Variants in DDAH1 observed in about 807,000 individuals in gnomAD.
DDAH1 encodes the protein N(G),N(G)-dimethylarginine dimethylaminohydrolase 1.
Under a neutral mutation model 28.8 loss-of-function variants are expected in DDAH1, and 19 were observed. That is an observed-to-expected ratio of 0.66 (90% confidence interval 0.46 to 0.97). DDAH1 has a LOEUF of 0.97. Among genes scored for constraint, DDAH1 ranks in the 50% least tolerant of loss-of-function variants. The pLI is 0.00. For missense variants in DDAH1, 326 were observed against 375.9 expected, an observed-to-expected ratio of 0.87 and a Z score of 1.10; for synonymous variants, 153 against 154.4, an observed-to-expected ratio of 0.99 and a Z score of 0.07.
intron 1 of DDAH1, among the ~76,000 whole-genome samples, chr1:85,536,394 T>C (rs1331420869): frequency 2.0e-5 from 3 of 150,642 alleles, no homozygotes; most frequent in Admixed American, 6.6e-5. Context: ...CTCTACTAAA[T>C]ATACAAAAAT....
At chr1:85,404,803 A>G (rs1186601834) in intron 1 of DDAH1, among the ~76,000 whole-genome samples, 6 of 151,952 alleles carry the variant, frequency 3.9e-5, no homozygotes, top group Admixed American at 1.3e-4. Context: ...AAGCTCTAAC[A>G]GAAGGCCACA....
chr1:85,503,567 A>ATCTATCTG (rs1163642743), intron 1 of DDAH1, among the ~76,000 whole-genome samples: 2 of 147,614 alleles, frequency 1.4e-5, no homozygotes, highest in African/African-American at 5.0e-5. Flanking sequence ...CTATCTATCT[A>ATCTATCTG]TCCATCTATC....
At chr1:85,446,236 A>C (rs1468330934) in intron 1 of DDAH1, among the ~76,000 whole-genome samples, 3 of 152,182 alleles carry the variant, frequency 2.0e-5, no homozygotes, top group Admixed American at 2.0e-4. Flanking sequence ...CAGGAAACTT[A>C]CGATCATGGC....
chr1:85,574,114 G>A lies in DDAH1; in HGVS notation c.-123+3870C>T, dbSNP rs541940066. ...ATCTCTTTTTAAAATGAGAAAATAT[G>A]CAAACAGTGAACCTACATTTTCACC... On this transcript the variant is annotated intron_variant, in intron 1 of 6. Transcript: ENST00000426972. Among the ~76,000 whole-genome samples, 106 of 152,328 alleles carry A rather than the reference G, an allele frequency of 7.0e-4. 2 individuals are homozygous for A. In the South Asian group the frequency reaches 0.019, roughly 28 times the overall value.
chr1:85,323,266 A>G (rs952807575), intron 5 of DDAH1, among the ~76,000 whole-genome samples: 4 of 152,352 alleles, frequency 2.6e-5, no homozygotes, highest in South Asian at 4.1e-4. Context: ...ATGATTACTA[A>G]AGGCTCTTCT....
chr1:85,521,486 C>T (rs1300894346), intron 1 of DDAH1: 1 of 248,112 alleles, frequency 4.0e-6, no homozygotes, highest in Admixed American at 6.5e-5. Context: ...TCTGAAAGAT[C>T]CCTGCTATGC....
chr1:85,399,218 G>C (rs1309887468), intron 1 of DDAH1: 1 of 152,100 alleles, frequency 6.6e-6, no homozygotes, highest in African/African-American at 2.4e-5. Context: ...AGTCATAATA[G>C]TAGTTTCTCT....
chr1:85,416,840 G>GT (rs374856595), intron 1 of DDAH1, among the ~76,000 whole-genome samples: 16 of 151,136 alleles, frequency 1.1e-4, no homozygotes, highest in South Asian at 2.1e-4. Context: ...GCTAATTTTT[G>GT]TTTTTTTTGT....
intron 1 of DDAH1, among the ~76,000 whole-genome samples, chr1:85,532,365 A>G (rs1240258881): frequency 2.6e-5 from 4 of 151,210 alleles, no homozygotes; most frequent in Non-Finnish European, 5.9e-5. Context: ...TTCAGTAACT[A>G]AAAAACCTAG....
chr1:85,559,683 C>G, intron 1 of DDAH1, among the ~76,000 whole-genome samples: 1 of 151,652 alleles, frequency 6.6e-6, no homozygotes, highest in East Asian at 1.9e-4. Context: ...AGTATAACAT[C>G]TAAAATAAAG....
intron 2 of DDAH1, among the ~76,000 whole-genome samples, chr1:85,490,310 G>A (rs575390735): frequency 4.0e-4 from 61 of 152,272 alleles, no homozygotes; most frequent in Non-Finnish European, 7.8e-4. Context: ...GAACTGACAG[G>A]AGAAATGTGA....
chr1:85,347,609 C>A (rs1648943924), intron 4 of DDAH1, among the ~76,000 whole-genome samples: 1 of 151,908 alleles, frequency 6.6e-6, no homozygotes, highest in African/African-American at 2.4e-5. Context: ...CACACCGGGG[C>A]CTGTCGTGGG....
At chr1:85,517,755 C>T (rs1483436873) in intron 1 of DDAH1, among the ~76,000 whole-genome samples, 1 of 152,148 alleles carries the variant, frequency 6.6e-6, no homozygotes, top group African/African-American at 2.4e-5. Flanking sequence ...AAAGGCAGCC[C>T]AAGCCCCCAG....
chr1:85,425,961 A>G (rs529334625), intron 1 of DDAH1, among the ~76,000 whole-genome samples: 1 of 152,320 alleles, frequency 6.6e-6, no homozygotes, highest in South Asian at 2.1e-4. Flanking sequence ...CCGGGGATAT[A>G]CATTTACAAA....
intron 1 of DDAH1, among the ~76,000 whole-genome samples, chr1:85,378,757 T>C (rs1650814794): frequency 1.3e-5 from 2 of 152,208 alleles, no homozygotes; most frequent in Non-Finnish European, 2.9e-5. Context: ...CGAAATGCCC[T>C]ATTCTATTCT....
intron 4 of DDAH1, among the ~76,000 whole-genome samples, chr1:85,325,539 T>C (rs781657668): frequency 1.3e-5 from 2 of 151,474 alleles, no homozygotes; most frequent in Non-Finnish European, 2.9e-5. Flanking sequence ...GGGTGAGGCA[T>C]AGGAATTTTG....
intron 1 of DDAH1, among the ~76,000 whole-genome samples, chr1:85,457,899 C>A (rs1237698301): frequency 6.6e-6 from 1 of 152,180 alleles, no homozygotes; most frequent in Non-Finnish European, 1.5e-5. Flanking sequence ...CCATGTTGGC[C>A]AGGCTGGTTT....
At chr1:85,404,412 A>G in intron 1 of DDAH1, 1 of 1,534,888 alleles carries the variant, frequency 6.5e-7, no homozygotes, top group Non-Finnish European at 8.7e-7. Flanking sequence ...TGCCATCCAG[A>G]ACTGCTTTTG....
chr1:85,537,503 G>T (rs1197414365), intron 1 of DDAH1, among the ~76,000 whole-genome samples: 1 of 127,450 alleles, frequency 7.8e-6, no homozygotes, highest in Non-Finnish European at 1.6e-5. Context: ...CAGAAGCAGA[G>T]AGTAGAACAG....
Sources: allele counts gnomAD v4.1 joint callset (sites outside exome capture counted in the v4.1 genomes callset), GRCh38; gene constraint gnomAD v4.1.1; transcripts MANE v1.5; gene names NCBI Gene and HGNC (gene_info 2026-07-23, HGNC 2026-07-21).